ZBBX: variants seen among roughly 807,000 people sequenced by gnomAD.
The protein encoded by ZBBX is zinc finger B-box domain-containing protein 1.
A neutral mutation model predicts 108.5 loss-of-function variants in ZBBX; 101 were observed. The ratio of observed to expected loss-of-function variants is 0.93; its 90% confidence interval spans 0.79 to 1.10. ZBBX has a LOEUF of 1.10. ZBBX is among the 50% of genes least tolerant of loss of function. ZBBX has a pLI of 0.00. For synonymous variants in ZBBX, 356 were observed against 323.4 expected, an observed-to-expected ratio of 1.10 and a Z score of -1.08; for missense variants, 1,009 against 941.4, an observed-to-expected ratio of 1.07 and a Z score of -0.94.
intron 1 of ZBBX, among the ~76,000 whole-genome samples, chr3:167,385,895 T>C (rs990810571): frequency 6.6e-6 from 1 of 152,042 alleles, no homozygotes; most frequent in Non-Finnish European, 1.5e-5. Flanking sequence ...CACCCAAGGA[T>C]TGATAAGCAG....
At chr3:167,280,239 T>C (rs150398255) in intron 20 of ZBBX, among the ~76,000 whole-genome samples, 10 of 151,808 alleles carry the variant, frequency 6.6e-5, no homozygotes, top group East Asian at 5.8e-4. Context: ...ACAGCCAAAA[T>C]TGACAAACGG....
chr3:167,272,629 TATTA>T (rs1314996830), intron 20 of ZBBX, among the ~76,000 whole-genome samples: 1 of 152,236 alleles, frequency 6.6e-6, no homozygotes, highest in Non-Finnish European at 1.5e-5. Flanking sequence ...ACCACCTTGT[TATTA>T]ATTAACTAAA....
the ZBBX span, among the ~76,000 whole-genome samples, chr3:167,205,139 T>C: frequency 2.6e-5 from 4 of 152,258 alleles, no homozygotes; most frequent in African/African-American, 9.6e-5. Context: ...CAATTTTAAG[T>C]TGTTTGTTAT....
At chr3:167,313,469 G>A (rs1734936129) in intron 16 of ZBBX, among the ~76,000 whole-genome samples, 1 of 151,882 alleles carries the variant, frequency 6.6e-6, no homozygotes, top group African/African-American at 2.4e-5. Context: ...TTTTAGTAGA[G>A]ATAGGGTTTT....
Position 167,368,678 on chromosome 3 carries a change from AAT to A in ZBBX, c.69-106_69-105del, listed in dbSNP as rs907379779. Reference sequence around the variant, plus strand: ...AATTAGAATCATGAATAATAAATAAAATATTTTACCTATTTCTTTTGTACTTC... The same window carrying A: ...AATTAGAATCATGAATAATAAATAAAATTTTACCTATTTCTTTTGTACTTC... On this transcript the variant is annotated intron_variant, in intron 4 of 21. Coordinates refer to ENST00000675490, the MANE Select transcript of ZBBX (RefSeq NM_001199201.2). The A allele has an allele frequency of 6.1e-6, 8 of 1,305,418 alleles. No homozygotes were observed. The African/African-American group carries it at 1.2e-4, about 20-fold the overall frequency. The allele number at this position is 1,305,418 out of a possible 1,614,324, so 80.9% of individuals were successfully genotyped here.
Position 167,330,964 on chromosome 3 carries a change from T to TCTCTCTCTCTCTCTCTCTCC in ZBBX, c.688-2849_688-2848insGGAGAGAGAGAGAGAGAGAG, listed in dbSNP as rs1310209358. ...CTTTCTTTCTCTCTCTCTCTCTCTC[T>TCTCTCTCTCTCTCTCTCTCC]CCCCCACTCCCCTTCTGTATGCATG... On this transcript the variant is annotated intron_variant, in intron 10 of 21. Coordinates refer to ENST00000675490, the MANE Select transcript of ZBBX (RefSeq NM_001199201.2). Among the ~76,000 whole-genome samples the TCTCTCTCTCTCTCTCTCTCC allele has an allele frequency of 9.9e-4, 144 of 145,920 alleles. 6 individuals are homozygous for TCTCTCTCTCTCTCTCTCTCC. The highest frequency in any genetic ancestry group is 2.9e-3 in the African/African-American group (113 of 39,446).
chr3:167,186,483 A>G, the ZBBX span, among the ~76,000 whole-genome samples: 1 of 152,160 alleles, frequency 6.6e-6, no homozygotes, highest in Non-Finnish European at 1.5e-5. Flanking sequence ...AGGAGTAATA[A>G]TTTTAAGAGG....
chr3:167,380,601 A>G (rs1302508739), upstream of ZBBX, among the ~76,000 whole-genome samples: 2 of 152,152 alleles, frequency 1.3e-5, no homozygotes, highest in Non-Finnish European at 2.9e-5. Context: ...GCTTAAATCT[A>G]AAAAAATTAA....
chr3:167,405,318 A>G (rs1748549202), intron 1 of ZBBX, among the ~76,000 whole-genome samples: 1 of 152,182 alleles, frequency 6.6e-6, no homozygotes, highest in Non-Finnish European at 1.5e-5. Context: ...TTGACCTCTG[A>G]CATAAACAGT....
At chr3:167,330,961 C>A (rs866419717) in intron 10 of ZBBX, among the ~76,000 whole-genome samples, 6 of 130,264 alleles carry the variant, frequency 4.6e-5, no homozygotes, top group Non-Finnish European at 9.0e-5. Flanking sequence ...CTCTCTCTCT[C>A]TCTCCCCCAC....
intron 1 of ZBBX, among the ~76,000 whole-genome samples, chr3:167,396,646 A>G (rs1560216584): frequency 2.0e-5 from 3 of 152,102 alleles, no homozygotes; most frequent in Non-Finnish European, 2.9e-5. Flanking sequence ...GAATGAGAGT[A>G]TGTAACTGAT....
intron 16 of ZBBX, among the ~76,000 whole-genome samples, chr3:167,306,792 T>C (rs1733722491): frequency 6.6e-6 from 1 of 152,194 alleles, no homozygotes; most frequent in African/African-American, 2.4e-5. Flanking sequence ...TGTACACCAT[T>C]ATCCAGACTG....
chr3:167,233,652 G>A, the ZBBX span, among the ~76,000 whole-genome samples: 249 of 151,838 alleles, frequency 1.6e-3, 1 homozygote, highest in African/African-American at 4.8e-3. Flanking sequence ...CCCCCTTTAA[G>A]TATCTTGAGT....
chr3:167,266,500 C>T (rs956178789), intron 20 of ZBBX, among the ~76,000 whole-genome samples: 1 of 152,150 alleles, frequency 6.6e-6, no homozygotes, highest in Non-Finnish European at 1.5e-5. Flanking sequence ...TCCCTTGAAA[C>T]TGCACGTCTC....
the ZBBX span, among the ~76,000 whole-genome samples, chr3:167,199,617 T>A: frequency 6.6e-6 from 1 of 152,156 alleles, no homozygotes; most frequent in Non-Finnish European, 1.5e-5. Flanking sequence ...GACCAGTGGA[T>A]TTTTGTTTAA....
chr3:167,280,279 A>T (rs1202159246), intron 20 of ZBBX, among the ~76,000 whole-genome samples: 1 of 151,444 alleles, frequency 6.6e-6, no homozygotes, highest in Admixed American at 6.6e-5. Context: ...GCTTCTGCAC[A>T]GCAAAAAAAA....
chr3:167,178,585 T>C, the ZBBX span, among the ~76,000 whole-genome samples: 1 of 152,144 alleles, frequency 6.6e-6, no homozygotes, highest in African/African-American at 2.4e-5. Flanking sequence ...GAATCTCTTC[T>C]TCGGCATCTG....
chr3:167,315,157 A>G (rs964582698), intron 15 of ZBBX, among the ~76,000 whole-genome samples: 2 of 152,178 alleles, frequency 1.3e-5, no homozygotes, highest in Non-Finnish European at 2.9e-5. Context: ...ACAAATCCTG[A>G]AGTTTCAACA....
chr3:167,192,513 T>C, the ZBBX span, among the ~76,000 whole-genome samples: 1 of 152,206 alleles, frequency 6.6e-6, no homozygotes, highest in Non-Finnish European at 1.5e-5. Flanking sequence ...CTTCTTTATA[T>C]GTTATTTGCT....
Sources: allele counts gnomAD v4.1 joint callset (sites outside exome capture counted in the v4.1 genomes callset), GRCh38; gene constraint gnomAD v4.1.1; transcripts MANE v1.5; gene names NCBI Gene and HGNC (gene_info 2026-07-23, HGNC 2026-07-21).